Variants in TPTE observed in about 807,000 individuals in gnomAD.
TPTE encodes transmembrane phosphatase with tensin homology.
Under a neutral mutation model 84.1 loss-of-function variants are expected in TPTE, and 59 were observed. That is an observed-to-expected ratio of 0.70 (90% CI 0.57 to 0.87). The LOEUF is 0.87. Among genes scored for constraint, TPTE ranks in the 40% least tolerant of loss-of-function variants. The probability of loss-of-function intolerance (pLI) is 0.00; values close to 1 mark genes in which losing one functional copy is unlikely to be tolerated. For missense variants in TPTE, 382 were observed against 659.6 expected, an observed-to-expected ratio of 0.58 and a Z score of 4.61; for synonymous variants, 130 against 223.5, an observed-to-expected ratio of 0.58 and a Z score of 3.73.
rs1460025400 is a variant in TPTE at position 10,592,702 on chromosome 21, G to A, written c.1170+329G>A. Among the ~76,000 whole-genome samples, 3 of 152,426 alleles carry A rather than the reference G, an allele frequency of 2.0e-5. No individual in the cohort carries two copies. In the East Asian group the frequency reaches 5.8e-4, roughly 29 times the overall value. On this transcript the variant is annotated intron_variant, in intron 19 of 23. Coordinates refer to ENST00000618007, the MANE Select transcript of TPTE (RefSeq NM_199261.4). ...CTCTGAAGTGTGTCTAAAATCACCA[G>A]CCTTTGATTTCAATGTAAAAAAGAT...
At chr21:10,545,895 C>T (rs1468188067) in intron 7 of TPTE, among the ~76,000 whole-genome samples, 4 of 151,800 alleles carry the variant, frequency 2.6e-5, no homozygotes, top group African/African-American at 4.8e-5. Flanking sequence ...TGTATATATC[C>T]TTTAATATAT....
intron 10 of TPTE, among the ~76,000 whole-genome samples, chr21:10,562,700 C>T (rs1468359698): frequency 6.6e-6 from 1 of 152,310 alleles, no homozygotes; most frequent in Non-Finnish European, 1.5e-5. Context: ...TGAAGACAGG[C>T]TATTTCAAAA....
At chr21:10,595,863 C>T in intron 19 of TPTE, 119 bp from the exon 20 acceptor site, 1 of 1,295,074 alleles carries the variant, frequency 7.7e-7, no homozygotes, top group African/African-American at 1.5e-5. Context: ...TTATGGCATC[C>T]AGTAAATGTT....
At chr21:10,575,810 C>T (rs2145724599) in intron 14 of TPTE, among the ~76,000 whole-genome samples, 1 of 152,344 alleles carries the variant, frequency 6.6e-6, no homozygotes, top group Non-Finnish European at 1.5e-5. Context: ...GACATGCATG[C>T]AGTCAACAAA....
intron 17 of TPTE, among the ~76,000 whole-genome samples, chr21:10,587,145 G>A (rs1297419008): frequency 1.3e-5 from 2 of 152,312 alleles, no homozygotes; most frequent in Admixed American, 6.5e-5. Context: ...TTCTGATGTA[G>A]GATGATTCTT....
intron 17 of TPTE, among the ~76,000 whole-genome samples, chr21:10,583,845 T>A (rs1313781003): frequency 5.3e-5 from 8 of 152,274 alleles, no homozygotes; most frequent in African/African-American, 1.7e-4. Flanking sequence ...AATCTGTTTC[T>A]GACATTTCTC....
At chr21:10,589,871 T>G (rs1464544654) in intron 17 of TPTE, among the ~76,000 whole-genome samples, 1 of 152,312 alleles carries the variant, frequency 6.6e-6, no homozygotes, top group African/African-American at 2.4e-5. Flanking sequence ...GAGTTGGTCT[T>G]TATGTACTTG....
chr21:10,573,506 G>C (rs2145717883), intron 14 of TPTE, among the ~76,000 whole-genome samples: 1 of 152,422 alleles, frequency 6.6e-6, no homozygotes, highest in Non-Finnish European at 1.5e-5. Flanking sequence ...CTGGTGTTCT[G>C]TAGTGCTGTA....
At position 10,538,776 on chromosome 21, in the gene TPTE, C is replaced by T. The variant is rs377713636; in HGVS notation, c.11+42C>T. The T allele has an allele frequency of 3.1e-6, 5 of 1,614,050 alleles. No individual in the cohort carries two copies. In the Admixed American group the frequency reaches 8.3e-5, roughly 27 times the overall value. On this transcript the variant is annotated intron_variant, in intron 4 of 23. Coordinates refer to ENST00000618007, the MANE Select transcript of TPTE (RefSeq NM_199261.4). ...TGTGTCTTTATTTATCGAATTATAACTGAGCATAGAAGTATTCACAGACAC... is the reference window on the plus strand; with the variant it reads ...TGTGTCTTTATTTATCGAATTATAATTGAGCATAGAAGTATTCACAGACAC...
At chr21:10,566,386 G>A (rs1600913226) in intron 10 of TPTE, among the ~76,000 whole-genome samples, 2 of 152,422 alleles carry the variant, frequency 1.3e-5, no homozygotes, top group South Asian at 4.1e-4. Context: ...GAAGATAAGA[G>A]AACCCTCATA....
intron 8 of TPTE, among the ~76,000 whole-genome samples, chr21:10,554,985 C>T (rs530811337): frequency 4.2e-3 from 646 of 152,054 alleles, no homozygotes; most frequent in African/African-American, 0.015. Context: ...CTCCCTACCC[C>T]CAGAGTCTGC....
chr21:10,565,764 A>G (rs1431173957), intron 10 of TPTE, among the ~76,000 whole-genome samples: 1 of 152,426 alleles, frequency 6.6e-6, no homozygotes, highest in Admixed American at 6.5e-5. Flanking sequence ...AACAAAAGAC[A>G]TCTCTTCAAC....
At chr21:10,560,038 T>C (rs1395250955) in intron 9 of TPTE, among the ~76,000 whole-genome samples, 4 of 152,302 alleles carry the variant, frequency 2.6e-5, no homozygotes, top group Non-Finnish European at 4.4e-5. Flanking sequence ...GTGCCCCATC[T>C]AATGTAATCT....
chr21:10,560,082 T>C (rs1416019931), intron 9 of TPTE, among the ~76,000 whole-genome samples: 2 of 152,302 alleles, frequency 1.3e-5, no homozygotes, highest in African/African-American at 4.8e-5. Context: ...AAGCTGGACA[T>C]TAAGAATTGC....
At chr21:10,591,766 AC>A (rs2075480860) in intron 18 of TPTE, among the ~76,000 whole-genome samples, 1 of 152,312 alleles carries the variant, frequency 6.6e-6, no homozygotes, top group Non-Finnish European at 1.5e-5. Context: ...GAAGGGTTGG[AC>A]CAGATGCTTT....
At chr21:10,594,086 A>G (rs1369796795) in intron 19 of TPTE, among the ~76,000 whole-genome samples, 77 of 152,194 alleles carry the variant, frequency 5.1e-4, no homozygotes, top group African/African-American at 1.1e-3. Flanking sequence ...CCCACTGCCA[A>G]TGGCAATAAA....
rs1424618593 is a variant in TPTE, at chr21:10,522,014, T to G, written c.-211+320T>G. 3.3e-5 allele frequency among the ~76,000 whole-genome samples: 5 copies of G among 150,540 alleles called. No individual in the cohort carries two copies. In the East Asian group the frequency reaches 9.9e-4, roughly 30 times the overall value. On this transcript the variant is annotated intron_variant, in intron 1 of 23. Transcript: ENST00000618007. ...TAGCTCAGTCCCGGCCGCCGCCGCG[T>G]GAGGAAATGGCCTAGGAGCCGGAGC...
intron 3 of TPTE, among the ~76,000 whole-genome samples, chr21:10,529,011 G>A (rs551296828): frequency 1.6e-4 from 25 of 152,400 alleles, no homozygotes; most frequent in African/African-American, 5.5e-4. Flanking sequence ...TGGTAAAACC[G>A]CGTCTCTACT....
intron 3 of TPTE, among the ~76,000 whole-genome samples, chr21:10,535,769 G>A (rs899451995): frequency 4.9e-4 from 74 of 152,260 alleles, no homozygotes; most frequent in East Asian, 7.7e-4. Context: ...ACCTTCTAGC[G>A]TTCTACCACC....
Sources: allele counts gnomAD v4.1 joint callset (sites outside exome capture counted in the v4.1 genomes callset), GRCh38; gene constraint gnomAD v4.1.1; transcripts MANE v1.5; gene names NCBI Gene and HGNC (gene_info 2026-07-23, HGNC 2026-07-21).